PTPN13: variants seen among roughly 807,000 people sequenced by gnomAD.
The protein encoded by PTPN13 is tyrosine-protein phosphatase non-receptor type 13.
Under a neutral mutation model 284.0 loss-of-function variants are expected in PTPN13, and 191 were observed. The ratio of observed to expected loss-of-function variants is 0.67; its 90% CI spans 0.60 to 0.76. The LOEUF (loss-of-function observed/expected upper bound fraction) is 0.76. Ranked by LOEUF, PTPN13 falls within the 30% of genes least tolerant of loss-of-function variation. The pLI is 0.00. For synonymous variants in PTPN13, 986 were observed against 1,022.3 expected (o/e 0.96, Z 0.68); for missense variants, 2,797 against 2,939.9 (o/e 0.95, Z 1.12).
chr4:86,800,815 G>A (rs1382237467), intron 42 of PTPN13, among the ~76,000 whole-genome samples: 1 of 152,182 alleles, frequency 6.6e-6, no homozygotes, highest in Non-Finnish European at 1.5e-5. Flanking sequence ...TGCATGTCCA[G>A]CACTGTAGCC....
In PTPN13 at chr4:86,769,757, C is replaced by CT. The variant is rs1565531039; in HGVS notation, c.4490-7dup. On this transcript the variant is annotated splice_polypyrimidine_tract_variant and intron_variant, in intron 28 of 47. Coordinates refer to ENST00000411767, the MANE Select transcript of PTPN13 (RefSeq NM_080683.3). The stretch of plus-strand genomic sequence containing the variant: ...AATAATATCTAAATTTTTTTTATAT[C>CT]TTTTTCTCCAGAAAATACATTTGAG... The CT allele has an allele frequency of 6.5e-7, 1 of 1,536,206 alleles. No individual in the cohort carries two copies. Among genetic ancestry groups the CT allele is most frequent in the East Asian group, 2.3e-5 (1 of 43,784 alleles).
At chr4:86,761,328 T>G (rs1738671800) in intron 23 of PTPN13, among the ~76,000 whole-genome samples, 1 of 151,920 alleles carries the variant, frequency 6.6e-6, no homozygotes, top group Non-Finnish European at 1.5e-5. Context: ...AAAACTTACT[T>G]AACTTTTCTT....
intron 20 of PTPN13, among the ~76,000 whole-genome samples, chr4:86,757,287 A>AT (rs1738090245): frequency 6.6e-6 from 1 of 152,214 alleles, no homozygotes; most frequent in Non-Finnish European, 1.5e-5. Context: ...GACTTCAGGC[A>AT]TTTTAATGGG....
At chr4:86,646,342 G>A (rs1176517957) in intron 2 of PTPN13, among the ~76,000 whole-genome samples, 1 of 148,394 alleles carries the variant, frequency 6.7e-6, no homozygotes, top group African/African-American at 2.5e-5. Context: ...CTGTTGCCTA[G>A]GCTGGAGAAC....
Position 86,769,847 on chromosome 4 carries a change from C to A in PTPN13, c.4568C>A (p.Pro1523Gln). 1 of 1,613,518 alleles carries A rather than the reference C, an allele frequency of 6.2e-7. No homozygotes were observed. The highest frequency in any genetic ancestry group is 1.1e-5 in the South Asian group (1 of 91,054). Residue 1523 changes from proline (P) to glutamine (Q), a missense_variant, in exon 29 of 48, where the codon CCG becomes CAG. Transcript: ENST00000411767. ...TTTTCTCGAGAAGATAATCTTATAC[C>A]GGAGCAAATTAATGCCAGCATAGTA... ...FSFSREDNLI[P>Q]EQINASIVRV... is the part of the protein sequence containing the mutation.
At chr4:86,734,209 C>A in intron 12 of PTPN13, 94 bp from the exon 13 acceptor site, 1 of 1,003,850 alleles carries the variant, frequency 1.0e-6, no homozygotes, top group Non-Finnish European at 1.4e-6. Flanking sequence ...ATATGATACT[C>A]TTTTATGCAA....
intron 2 of PTPN13, among the ~76,000 whole-genome samples, chr4:86,653,125 G>T (rs185728424): frequency 6.6e-6 from 1 of 152,018 alleles, no homozygotes; most frequent in African/African-American, 2.4e-5. Context: ...AAATTTCTCT[G>T]ATAGAATTCT....
intron 47 of PTPN13, among the ~76,000 whole-genome samples, chr4:86,811,981 T>C (rs1369314042): frequency 6.6e-6 from 1 of 152,212 alleles, no homozygotes; most frequent in Non-Finnish European, 1.5e-5. Context: ...CATTTGTTCA[T>C]TCAACAGATA....
chr4:86,764,581 T>A lies in PTPN13; in HGVS notation c.4018-12T>A. ...TCTAACAAGAAATCTTTGTTTGTTTTTCTTTGTTAAGGAATCTTCCTCTTC... is the reference window on the plus strand; with the variant it reads ...TCTAACAAGAAATCTTTGTTTGTTTATCTTTGTTAAGGAATCTTCCTCTTC... On this transcript the variant is annotated splice_polypyrimidine_tract_variant and intron_variant, in intron 24 of 47. Coordinates refer to ENST00000411767, the MANE Select transcript of PTPN13 (RefSeq NM_080683.3). The A allele has an allele frequency of 7.0e-7, 1 of 1,435,470 alleles. No homozygotes were observed. The allele number at this position is 1,435,470 out of a possible 1,614,324, so 88.9% of individuals were successfully genotyped here.
chr4:86,625,892 C>T (rs1050241879), intron 1 of PTPN13, among the ~76,000 whole-genome samples: 7 of 152,010 alleles, frequency 4.6e-5, no homozygotes, highest in African/African-American at 1.4e-4. Flanking sequence ...GTGTTTTATC[C>T]GTATTTGTTT....
chr4:86,673,869 G>A (rs1043672834), intron 3 of PTPN13, among the ~76,000 whole-genome samples: 11 of 152,008 alleles, frequency 7.2e-5, no homozygotes, highest in Non-Finnish European at 1.3e-4. Context: ...AGCACACCTC[G>A]CTAATTTTTG....
intron 16 of PTPN13, among the ~76,000 whole-genome samples, chr4:86,744,217 T>C (rs1159181266): frequency 2.0e-5 from 3 of 152,202 alleles, no homozygotes; most frequent in Non-Finnish European, 4.4e-5. Flanking sequence ...TTTCCACAAC[T>C]TCTATTCAGC....
intron 28 of PTPN13, 24 bp from the exon 29 acceptor site, chr4:86,769,745 T>A (rs1294297387): frequency 6.9e-7 from 1 of 1,448,860 alleles, no homozygotes; most frequent in Non-Finnish European, 9.5e-7. Flanking sequence ...AATATCTAAA[T>A]TTTTTTTATA....
At chr4:86,747,023 A>G (rs1736844171) in intron 17 of PTPN13, among the ~76,000 whole-genome samples, 1 of 152,370 alleles carries the variant, frequency 6.6e-6, no homozygotes, top group African/African-American at 2.4e-5. Context: ...TATCAGACCT[A>G]TTAGAGCCAT....
intron 2 of PTPN13, among the ~76,000 whole-genome samples, chr4:86,637,636 A>G (rs1157162095): frequency 6.6e-6 from 1 of 151,378 alleles, no homozygotes; most frequent in East Asian, 1.9e-4. Flanking sequence ...ACAACCCTTC[A>G]TGCTAAAAAC....
intron 3 of PTPN13, among the ~76,000 whole-genome samples, chr4:86,678,132 G>A (rs1728497983): frequency 1.3e-5 from 2 of 152,200 alleles, no homozygotes; most frequent in Non-Finnish European, 2.9e-5. Context: ...CACTCAGTAT[G>A]TAAAGTGTGA....
chr4:86,620,454 C>T (rs558304129), intron 1 of PTPN13, among the ~76,000 whole-genome samples: 51 of 152,194 alleles, frequency 3.4e-4, no homozygotes, highest in African/African-American at 1.1e-3. Context: ...GCACTGCACC[C>T]GCAGAAATTT....
chr4:86,717,191 T>A (rs1733130462), intron 9 of PTPN13, 74 bp downstream of exon 9: 1 of 865,578 alleles, frequency 1.2e-6, no homozygotes, highest in Non-Finnish European at 1.7e-6. Context: ...TAAATGGAAT[T>A]TTTTTTTTTT....
At chr4:86,604,176 G>A (rs758656571) in intron 1 of PTPN13, among the ~76,000 whole-genome samples, 10 of 151,884 alleles carry the variant, frequency 6.6e-5, no homozygotes, top group African/African-American at 1.7e-4. Flanking sequence ...GGTAGTCCTC[G>A]GTTTGAGTTT....
Sources: allele counts gnomAD v4.1 joint callset (sites outside exome capture counted in the v4.1 genomes callset), GRCh38; gene constraint gnomAD v4.1.1; transcripts MANE v1.5; gene names NCBI Gene and HGNC (gene_info 2026-07-23, HGNC 2026-07-21).